The following C2orf66 variants were observed in gnomAD, a reference collection of about 807,000 sequenced individuals.
C2orf66 encodes the protein chromosome 2 open reading frame 66.
Under a neutral mutation model 7.0 loss-of-function variants are expected in C2orf66, and 6 were observed. The ratio of observed to expected loss-of-function variants is 0.86; its 90% CI spans 0.47 to 1.69. The LOEUF is 1.69. Among genes scored for constraint, C2orf66 ranks in the 40% most tolerant of loss-of-function variants. The probability of loss-of-function intolerance (pLI) is 0.01; values close to 1 mark genes in which losing one functional copy is unlikely to be tolerated. For missense variants in C2orf66, 107 were observed against 112.0 expected (o/e 0.96, Z 0.20); for synonymous variants, 38 against 43.8 (o/e 0.87, Z 0.52).
At chr2:196,814,754 C>A in the C2orf66 span, among the ~76,000 whole-genome samples, 1 of 152,088 alleles carries the variant, frequency 6.6e-6, no homozygotes, top group African/African-American at 2.4e-5. Context: ...AGCCATTTAT[C>A]TATGAATAAT....
intron 1 of C2orf66, among the ~76,000 whole-genome samples, chr2:196,808,878 CCT>C (rs1699843596): frequency 6.6e-6 from 1 of 152,080 alleles, no homozygotes; most frequent in East Asian, 1.9e-4. Context: ...CGAGCAATTC[CCT>C]GTTACACTCT....
the C2orf66 span, among the ~76,000 whole-genome samples, chr2:196,830,801 G>A: frequency 6.6e-6 from 1 of 152,120 alleles, no homozygotes; most frequent in Non-Finnish European, 1.5e-5. Flanking sequence ...TAACCCTCCT[G>A]CTGCCCCTTG....
At chr2:196,811,817 C>CTTTCT (rs1699879871), upstream of C2orf66, among the ~76,000 whole-genome samples, 6 of 151,886 alleles carry the variant, frequency 4.0e-5, no homozygotes, top group Admixed American at 1.3e-4. Flanking sequence ...AAAAAGGGGG[C>CTTTCT]CAAAAACTTG....
chr2:196,816,966 C>A, the C2orf66 span, among the ~76,000 whole-genome samples: 10 of 152,192 alleles, frequency 6.6e-5, no homozygotes, highest in Admixed American at 1.3e-4. Context: ...ATCAGTAGGA[C>A]CATGATGCCC....
At chr2:196,806,030 T>C (rs1016801003) in intron 2 of C2orf66, among the ~76,000 whole-genome samples, 3 of 152,180 alleles carry the variant, frequency 2.0e-5, no homozygotes, top group Non-Finnish European at 2.9e-5. Context: ...TGAAAACCCT[T>C]TCACAAACAC....
chr2:196,829,758 G>C, the C2orf66 span, among the ~76,000 whole-genome samples: 2 of 147,606 alleles, frequency 1.4e-5, no homozygotes, highest in Non-Finnish European at 3.0e-5. Context: ...TTAGACGGGC[G>C]TGGTGGCGGG....
the C2orf66 span, among the ~76,000 whole-genome samples, chr2:196,825,806 C>G: frequency 2.1e-3 from 323 of 152,292 alleles, 1 homozygote; most frequent in Non-Finnish European, 3.2e-3. Flanking sequence ...ACACATTCAG[C>G]CTTTATCACA....
intron 2 of C2orf66, among the ~76,000 whole-genome samples, 171 bp from the exon 3 acceptor site, chr2:196,805,579 CTTTG>C (rs1337548144): frequency 1.3e-5 from 2 of 151,818 alleles, no homozygotes; most frequent in Admixed American, 6.6e-5. Flanking sequence ...AAATCAGAAG[CTTTG>C]TTTTTTTTTT....
chr2:196,809,964 G>T (rs1173255136), upstream of C2orf66: 2 of 152,202 alleles, frequency 1.3e-5, no homozygotes, highest in African/African-American at 2.4e-5. Context: ...TAATTGGCAA[G>T]GCAATTCATG....
the C2orf66 span, among the ~76,000 whole-genome samples, chr2:196,814,938 A>G: frequency 2.6e-5 from 4 of 152,118 alleles, no homozygotes; most frequent in African/African-American, 4.8e-5. Context: ...ACATAGAACT[A>G]TATGTTTAAG....
intron 1 of C2orf66, among the ~76,000 whole-genome samples, chr2:196,807,985 C>A (rs994569670): frequency 1.3e-5 from 2 of 152,224 alleles, no homozygotes; most frequent in Non-Finnish European, 2.9e-5. Flanking sequence ...AATATGAGAT[C>A]TCTGTTGTTG....
At chr2:196,815,800 C>T in the C2orf66 span, among the ~76,000 whole-genome samples, 1 of 152,108 alleles carries the variant, frequency 6.6e-6, no homozygotes, top group Non-Finnish European at 1.5e-5. Flanking sequence ...CTTTTCAAAC[C>T]CTTCTTGTCT....
intron 1 of C2orf66, among the ~76,000 whole-genome samples, chr2:196,808,112 A>C (rs376056335): frequency 2.6e-5 from 4 of 152,186 alleles, no homozygotes. Flanking sequence ...TTAGCACAGG[A>C]GGGTTCTTGG....
chr2:196,809,477 G>T, upstream of C2orf66: 1 of 1,199,694 alleles, frequency 8.3e-7, no homozygotes, highest in Non-Finnish European at 1.2e-6. Flanking sequence ...GTTTATCTAA[G>T]TTTTACAGCC....
upstream of C2orf66, among the ~76,000 whole-genome samples, chr2:196,813,286 C>T (rs1699893242): frequency 6.6e-6 from 1 of 152,124 alleles, no homozygotes; most frequent in Non-Finnish European, 1.5e-5. Context: ...CATCTACAAC[C>T]ATCTGATCTT....
intron 2 of C2orf66, among the ~76,000 whole-genome samples, chr2:196,806,719 G>C (rs542643038): frequency 6.6e-6 from 1 of 151,664 alleles, no homozygotes; most frequent in East Asian, 2.0e-4. Flanking sequence ...ATCTGAGTGT[G>C]GTGGCAGGCA....
chr2:196,816,773 C>T, the C2orf66 span, among the ~76,000 whole-genome samples: 3 of 152,134 alleles, frequency 2.0e-5, no homozygotes, highest in African/African-American at 4.8e-5. Flanking sequence ...ATGTTACAAC[C>T]GTTTTTATGT....
chr2:196,811,740 T>C (rs1559312642), upstream of C2orf66, among the ~76,000 whole-genome samples: 1 of 151,966 alleles, frequency 6.6e-6, no homozygotes, highest in Non-Finnish European at 1.5e-5. Context: ...GGGAAGGAAA[T>C]GTAAATTTGG....
the C2orf66 span, among the ~76,000 whole-genome samples, chr2:196,828,544 G>A: frequency 2.6e-5 from 4 of 152,102 alleles, no homozygotes; most frequent in Non-Finnish European, 5.9e-5. Context: ...ATGAAATTCT[G>A]TGAATATGAT....
Sources: gnomAD v4.1 joint callset for allele counts (sites outside exome capture counted in the v4.1 genomes callset) on GRCh38, gnomAD v4.1.1 for gene constraint, MANE v1.5 for transcripts, NCBI Gene and HGNC (gene_info 2026-07-23, HGNC 2026-07-21) for gene names.